SRPK3: variants seen among roughly 807,000 people sequenced by gnomAD.
The protein encoded by SRPK3 is SRSF protein kinase 3.
In SRPK3, 26 loss-of-function variants were observed where a neutral mutation model predicts 45.3. The observed-to-expected ratio is 0.57, with a 90% CI of 0.42 to 0.80. The LOEUF (loss-of-function observed/expected upper bound fraction) is 0.80, where lower values mean the gene tolerates loss of function less well. Among genes scored for constraint, SRPK3 ranks in the 30% least tolerant of loss-of-function variants. SRPK3 has a pLI of 0.00. For synonymous variants in SRPK3, 254 were observed against 226.6 expected, an observed-to-expected ratio of 1.12 and a Z score of -1.09; for missense variants, 536 against 514.5, an observed-to-expected ratio of 1.04 and a Z score of -0.40.
Position 153,784,073 on chromosome X carries a change from C to T in SRPK3, c.1007C>T (p.Pro336Leu). ...RAGPSPASSSPAPGGGRSLSA... is the reference protein window; with the variant it reads ...RAGPSPASSSLAPGGGRSLSA... ...GGTCCCTCCCCAGCCTCTTCCTCCC[C>T]CGCCCCAGGGGGCGGCCGTAGCCTC... is the stretch of plus-strand genomic sequence containing the variant. The change falls in exon 10 of 15, where the codon CCC (proline) becomes CTC (leucine). Residue 336 changes from proline (P) to leucine (L), a missense_variant. Transcript: ENST00000370101. The T allele has an allele frequency of 8.3e-7, 1 of 1,210,489 alleles. No homozygotes were observed. The highest frequency in any genetic ancestry group is 1.1e-6 in the Non-Finnish European group (1 of 895,173).
chrX:153,784,948 C>T lies in SRPK3; in HGVS notation c.1371C>T (p.Ala457=). 1 of 1,210,693 alleles carries T rather than the reference C, an allele frequency of 8.3e-7. No individual in the cohort carries two copies. Among genetic ancestry groups the T allele is most frequent in the Non-Finnish European group, 1.1e-6 (1 of 895,135 alleles). The change falls in exon 13 of 15, where the codon GCC becomes GCT. Residue 457 remains alanine (A), a synonymous_variant. Transcript: ENST00000370101. The stretch of plus-strand genomic sequence containing the variant: ...CCCCCTTCCAGGCCTTCGAGCTGGC[C>T]ACTGGTGACTACCTGTTCGAGCCGC... The part of the protein sequence containing the change: ...WSTACMAFEL[A]TGDYLFEPHS...
At chrX:153,784,634 G>A (rs1270203184) in intron 11 of SRPK3, 116 bp from the exon 12 acceptor site, 32 of 932,675 alleles carry the variant, frequency 3.4e-5, no homozygotes, top group Non-Finnish European at 4.1e-5. Context: ...GGGACCCCGA[G>A]GCTCACAGCA....
Position 153,781,143 on chromosome X carries a change from C to T in SRPK3, c.57C>T (p.Ser19=). The T allele has an allele frequency of 8.6e-7, 1 of 1,160,292 alleles. No homozygotes were observed. The change falls in exon 1 of 15, where the codon AGC becomes AGT. Residue 19 remains serine (S), a splice_region_variant and synonymous_variant. Transcript: ENST00000370101. The part of the protein sequence containing the change: ...GDSGGSGGSS[S]SSQASCGPES... ...GCGGCGGCAGCGGCGGCAGTAGCAG[C>T]AGGTAGGGCTCGGCTGGGGCACCCG... is the stretch of plus-strand genomic sequence containing the variant.
At chrX:153,781,953 C>A in intron 4 of SRPK3, 123 bp downstream of exon 4, 1 of 937,333 alleles carries the variant, frequency 1.1e-6, no homozygotes. Context: ...CAGCCTCCAG[C>A]TGGCTGTGCC....
chrX:153,783,990 A>G lies in SRPK3; in HGVS notation c.924A>G (p.Leu308=), dbSNP rs2092068489. The change falls in exon 10 of 15, where the codon CTA becomes CTG. Residue 308 remains leucine (L), a synonymous_variant. Coordinates refer to ENST00000370101, the MANE Select transcript of SRPK3 (RefSeq NM_014370.4). ...TCTCCCCAGACTCTGGCTTGAGACT[A>G]GACGGGGGCAGCGGCTCCACATCCT... The part of the protein sequence containing the change: ...ATQAEDSGLR[L]DGGSGSTSSS... 1 of 1,199,021 alleles carries G rather than the reference A, an allele frequency of 8.3e-7. No homozygotes were observed. Among genetic ancestry groups the G allele is most frequent in the Non-Finnish European group, 1.1e-6 (1 of 889,517 alleles).
At chrX:153,784,433 C>T in intron 11 of SRPK3, 39 bp downstream of exon 11, 1 of 1,177,214 alleles carries the variant, frequency 8.5e-7, no homozygotes, top group East Asian at 3.0e-5. Context: ...GGGGGCCCTG[C>T]TCCAAGGGTG....
intron 11 of SRPK3, 42 bp from the exon 12 acceptor site, chrX:153,784,708 G>C (rs199936564): frequency 7.5e-6 from 9 of 1,196,088 alleles, no homozygotes; most frequent in South Asian, 3.5e-5. Context: ...GGGCAGGACA[G>C]CCTTGGCCCC....
chrX:153,783,135 T>G lies in SRPK3; in HGVS notation c.748+17T>G. The G allele has an allele frequency of 1.7e-6, 2 of 1,176,634 alleles. No individual in the cohort carries two copies. Among genetic ancestry groups the G allele is most frequent in the Non-Finnish European group, 2.3e-6 (2 of 879,281 alleles). ...GCTCCATAGGTACCAAGGGCCCACATGGGGCTGGGTCGGGGCCTCTGGGCC... is the reference window on the plus strand; with the variant it reads ...GCTCCATAGGTACCAAGGGCCCACAGGGGGCTGGGTCGGGGCCTCTGGGCC... On this transcript the variant is annotated intron_variant, in intron 7 of 14. Coordinates refer to ENST00000370101, the MANE Select transcript of SRPK3 (RefSeq NM_014370.4).
At chrX:153,781,908 G>C in intron 4 of SRPK3, 78 bp downstream of exon 4, 1 of 1,095,274 alleles carries the variant, frequency 9.1e-7, no homozygotes, top group Non-Finnish European at 1.2e-6. Context: ...AGGCCTGCCG[G>C]GGCTCTGTGG....
Position 153,782,133 on chromosome X carries a change from G to A in SRPK3, c.400G>A (p.Asp134Asn), listed in dbSNP as rs782290645. 9.1e-6 allele frequency: 11 copies of A among 1,210,902 alleles called. No homozygotes were observed. In the South Asian group the frequency reaches 1.2e-4, roughly 14 times the overall value. The change falls in exon 5 of 15, where the codon GAC becomes AAC. Residue 134 changes from aspartate to asparagine, a missense_variant. Coordinates refer to ENST00000370101, the MANE Select transcript of SRPK3 (RefSeq NM_014370.4). ...GCTTTTGCTCCAGGTCCGGGACAGC[G>A]ACCCCAGTGACCCCAAAAGAGAGAC... Reference protein sequence around the residue: ...IKLLKCVRDSDPSDPKRETIV... With the variant: ...IKLLKCVRDSNPSDPKRETIV...
intron 6 of SRPK3, 36 bp from the exon 7 acceptor site, chrX:153,782,917 C>T (rs782475051): frequency 2.8e-5 from 33 of 1,194,717 alleles, no homozygotes; most frequent in South Asian, 3.6e-5. Flanking sequence ...CTGGCCTGGG[C>T]GGGAGTTGGA....
At chrX:153,785,285 G>A (rs1557068652) in intron 14 of SRPK3, 51 bp from the exon 15 acceptor site, 5 of 1,189,879 alleles carry the variant, frequency 4.2e-6, no homozygotes, top group Admixed American at 2.2e-5. Context: ...CTAAGCAGAA[G>A]GCAGGTCCAG....
Position 153,784,852 on chromosome X carries a change from T to G in SRPK3, c.1351T>G (p.Cys451Gly), listed in dbSNP as rs1280036579. Residue 451 changes from cysteine (C) to glycine (G), a missense_variant, in exon 12 of 15, where the codon TGC (cysteine) becomes GGC (glycine). Transcript: ENST00000370101. ...GPPADIWSTA[C>G]MAFELATGDY... ...CCCGGCAGACATCTGGAGCACAGCCTGCATGGTACGCCCGCCCGGGCTGCC... is the reference window on the plus strand; with the variant it reads ...CCCGGCAGACATCTGGAGCACAGCCGGCATGGTACGCCCGCCCGGGCTGCC... The G allele has an allele frequency of 8.3e-7, 1 of 1,210,309 alleles. No individual in the cohort carries two copies. Among genetic ancestry groups the G allele is most frequent in the East Asian group, 3.0e-5 (1 of 33,795 alleles).
intron 12 of SRPK3, 29 bp from the exon 13 acceptor site, chrX:153,784,905 C>T (rs1453509227): frequency 8.3e-7 from 1 of 1,209,658 alleles, no homozygotes; most frequent in East Asian, 3.0e-5. Flanking sequence ...AGCCCACCAG[C>T]CAGCAGCCTC....
rs782767653 is a variant in SRPK3, at chrX:153,784,350, A to G, written c.1204A>G (p.Lys402Glu). 6 of 1,211,014 alleles carry G rather than the reference A, an allele frequency of 5.0e-6. No homozygotes were observed. The South Asian group carries it at 1.1e-4, about 21-fold the overall frequency. The change falls in exon 11 of 15, where the codon AAG becomes GAG. Residue 402 changes from lysine (K) to glutamate (E), a missense_variant. Coordinates refer to ENST00000370101, the MANE Select transcript of SRPK3 (RefSeq NM_014370.4). ...CCCCCTGGAGCCCCAAAATGCAGAT[A>G]AGATCAAGATCAAGATCGCAGACCT... is the stretch of plus-strand genomic sequence containing the variant. ...VNPLEPQNAD[K>E]IKIKIADLGN...
chrX:153,784,474 C>A, intron 11 of SRPK3, 80 bp downstream of exon 11: 1 of 1,055,633 alleles, frequency 9.5e-7, no homozygotes, highest in South Asian at 2.0e-5. Context: ...GGGAGCCCTA[C>A]CCCAGTCTGC....
intron 3 of SRPK3, 48 bp from the exon 4 acceptor site, chrX:153,781,695 C>T (rs1557066924): frequency 8.3e-7 from 1 of 1,205,466 alleles, no homozygotes; most frequent in South Asian, 1.8e-5. Context: ...CTGATCCCCG[C>T]CGTGGGTCCT....
chrX:153,781,242 C>T lies in SRPK3; in HGVS notation c.86C>T (p.Ser29Phe). The stretch of plus-strand genomic sequence containing the variant: ...TCACAGGCCTCCTGCGGGCCCGAGT[C>T]CTCGGGCTCCGAACTAGCCCTGGCC... ...SSSQASCGPESSGSELALATP... is the reference protein window; with the variant it reads ...SSSQASCGPEFSGSELALATP... Residue 29 changes from serine to phenylalanine, a missense_variant, in exon 2 of 15, where the codon TCC becomes TTC. By Grantham distance (155) the Ser-to-Phe change is radical. Coordinates refer to ENST00000370101, the MANE Select transcript of SRPK3 (RefSeq NM_014370.4). 8.3e-7 allele frequency: 1 copy of T among 1,208,801 alleles called. No individual in the cohort carries two copies. Among genetic ancestry groups the T allele is most frequent in the Non-Finnish European group, 1.1e-6 (1 of 894,329 alleles).
intron 7 of SRPK3, 40 bp from the exon 8 acceptor site, chrX:153,783,186 C>A: frequency 1.9e-6 from 2 of 1,045,113 alleles, no homozygotes; most frequent in South Asian, 2.1e-5. Context: ...GTCTCTGTTC[C>A]TCCCTGTCCC....
Sources: allele counts gnomAD v4.1 joint callset, GRCh38; gene constraint gnomAD v4.1.1; transcripts MANE v1.5; gene names NCBI Gene and HGNC (gene_info 2026-07-23, HGNC 2026-07-21).